USP42: variants seen among roughly 807,000 people sequenced by gnomAD.
USP42 encodes ubiquitin carboxyl-terminal hydrolase 42.
A neutral mutation model predicts 113.0 loss-of-function variants in USP42; 23 were observed. The ratio of observed to expected loss-of-function variants is 0.20; its 90% confidence interval spans 0.15 to 0.29. USP42 has a LOEUF of 0.29. Among genes scored for constraint, USP42 ranks in the 10% least tolerant of loss-of-function variants. The probability of loss-of-function intolerance (pLI) is 1.00; values close to 1 mark genes in which losing one functional copy is unlikely to be tolerated. For missense variants in USP42, 2,174 were observed against 1,779.8 expected (o/e 1.22, Z -3.99); for synonymous variants, 933 against 699.0 (o/e 1.33, Z -5.28).
At chr7:6,125,784 GTTGT>G (rs750800362) in intron 3 of USP42, among the ~76,000 whole-genome samples, 57 of 147,360 alleles carry the variant, frequency 3.9e-4, no homozygotes, top group African/African-American at 1.2e-3. Flanking sequence ...ATGCTCAGGG[GTTGT>G]TTATTTTACT....
the USP42 span, among the ~76,000 whole-genome samples, chr7:6,092,025 TC>T: frequency 2.7e-5 from 3 of 109,772 alleles, no homozygotes; most frequent in Non-Finnish European, 5.7e-5. Flanking sequence ...TTCTTCTTCT[TC>T]TTCTTCTTCT....
chr7:6,139,399 T>C lies in USP42; in HGVS notation c.656+205T>C, dbSNP rs1781327178. 2.2e-6 allele frequency: 1 copy of C among 455,026 alleles called. No individual in the cohort carries two copies. The highest frequency in any genetic ancestry group is 2.0e-5 in the African/African-American group (1 of 49,116). 28.2% of individuals were successfully genotyped at this position (455,026 alleles called of 1,614,324 possible). A position where few individuals can be genotyped will look rare whatever the true frequency, so the allele number is the denominator to read the frequency against. On this transcript the variant is annotated intron_variant, in intron 5 of 17. Coordinates refer to ENST00000306177, the MANE Select transcript of USP42 (RefSeq NM_032172.3). The surrounding 1 kb of genome is among the most constrained non-coding windows in gnomAD (Gnocchi z 4.5). ...TACACGTGTGTCTTACGTAACAGTT[T>C]GAGTTGGCTCAATCATAGATGTCAG...
chr7:6,148,508 C>T (rs1038759148), intron 12 of USP42, among the ~76,000 whole-genome samples: 2 of 152,190 alleles, frequency 1.3e-5, no homozygotes, highest in Non-Finnish European at 2.9e-5. Context: ...TGTCGGATTG[C>T]AGGAAAGCGA....
rs907042575 is a variant in USP42, at chr7:6,153,069, G to A, written c.2202-687G>A. 198 of 494,992 alleles carry A rather than the reference G, an allele frequency of 4.0e-4. 1 individual carries two copies. The highest frequency in any genetic ancestry group is 3.1e-3 in the Middle Eastern group (3 of 978). 30.7% of individuals were successfully genotyped at this position (494,992 alleles called of 1,614,324 possible). A position where few individuals can be genotyped will look rare whatever the true frequency, so the allele number is the denominator to read the frequency against. On this transcript the variant is annotated intron_variant, in intron 14 of 17. Transcript: ENST00000306177. ...GCGGATCACCTGAGGTCAGGAGTTC[G>A]AGACCAGCTTGGCCAAGGTATAGTG...
At chr7:6,140,343 G>A (rs1443640118) in intron 6 of USP42, 148 bp downstream of exon 6, 26 of 713,522 alleles carry the variant, frequency 3.6e-5, no homozygotes, top group East Asian at 2.9e-4. Flanking sequence ...AGGCAGCCTC[G>A]GTGCCAGGTT....
At chr7:6,082,735 G>C in the USP42 span, among the ~76,000 whole-genome samples, 89,734 of 145,766 alleles carry the variant, frequency 0.62, 28,186 homozygotes, top group Middle Eastern at 0.68. Context: ...CTGAGCCTCC[G>C]TAGTAGCTGG....
intron 2 of USP42, 35 bp from the exon 3 acceptor site, chr7:6,115,288 C>G (rs1310208103): frequency 6.2e-7 from 1 of 1,604,632 alleles, no homozygotes; most frequent in Admixed American, 1.7e-5. Flanking sequence ...GTATGCAAAG[C>G]TTGGTTTCTG....
Position 6,148,371 on chromosome 7 carries a change from A to G in USP42, c.1386+479A>G, listed in dbSNP as rs959362889. On this transcript the variant is annotated intron_variant, in intron 12 of 17. Coordinates refer to ENST00000306177, the MANE Select transcript of USP42 (RefSeq NM_032172.3). ...CCCCCAAAAAAACAAAAACCCCAAA[A>G]TATACAGCAAACCTCACCAATGGGG... 1.3e-5 allele frequency among the ~76,000 whole-genome samples: 2 copies of G among 152,158 alleles called. 1 individual carries two copies. The highest frequency in any genetic ancestry group is 3.8e-4 in the East Asian group (2 of 5,204).
chr7:6,131,593 C>T (rs1780854502), intron 3 of USP42, among the ~76,000 whole-genome samples: 1 of 152,192 alleles, frequency 6.6e-6, no homozygotes, highest in African/African-American at 2.4e-5. Context: ...CCTTCCTCAT[C>T]CTTTGGCTGG....
At chr7:6,084,347 T>C in the USP42 span, 2 of 151,250 alleles carry the variant, frequency 1.3e-5, no homozygotes, top group African/African-American at 4.9e-5. Flanking sequence ...TTTTGATCTA[T>C]TGTAGGTTTC....
At chr7:6,090,810 A>T in the USP42 span, among the ~76,000 whole-genome samples, 1 of 146,758 alleles carries the variant, frequency 6.8e-6, no homozygotes, top group Non-Finnish European at 1.5e-5. Flanking sequence ...ACATATAGTT[A>T]TATATATAGT....
chr7:6,143,124 C>G lies in USP42; in HGVS notation c.878+110C>G, dbSNP rs17136039. The G allele has an allele frequency of 3.8e-3, 4,158 of 1,081,448 alleles. 115 individuals are homozygous for G. In the African/African-American group the frequency reaches 0.058, roughly 15 times the overall value. 67.0% of individuals were successfully genotyped at this position (1,081,448 alleles called of 1,614,324 possible). On this transcript the variant is annotated intron_variant, in intron 8 of 17. Coordinates refer to ENST00000306177, the MANE Select transcript of USP42 (RefSeq NM_032172.3). ...TCTAGGTTGCTTGAGTTTCTGATAC[C>G]CTCTGGGAAGACACTGCGTCCCTGT...
At chr7:6,093,921 C>T in the USP42 span, among the ~76,000 whole-genome samples, 1 of 151,238 alleles carries the variant, frequency 6.6e-6, no homozygotes, top group South Asian at 2.1e-4. Context: ...GATGGAGTCT[C>T]ACTCTGTCAC....
the USP42 span, among the ~76,000 whole-genome samples, chr7:6,098,293 TAAAGG>T: frequency 2.2e-4 from 33 of 150,330 alleles, 1 homozygote; most frequent in African/African-American, 5.9e-4. Context: ...AGATCTGTAT[TAAAGG>T]AAAGTGCCCA....
At chr7:6,110,849 T>C (rs1446398410) in intron 1 of USP42, among the ~76,000 whole-genome samples, 1 of 152,206 alleles carries the variant, frequency 6.6e-6, no homozygotes, top group African/African-American at 2.4e-5. Flanking sequence ...TGCCAGACTT[T>C]TAGGGGGCAT....
At chr7:6,101,316 C>A (rs115428419), upstream of USP42, among the ~76,000 whole-genome samples, 1,253 of 151,262 alleles carry the variant, frequency 8.3e-3, 105 homozygotes, top group African/African-American at 0.03. Flanking sequence ...AAATAAAATT[C>A]ACCCCTTCCT....
chr7:6,150,620 C>T (rs1781989244), intron 14 of USP42, 114 bp downstream of exon 14: 1 of 930,384 alleles, frequency 1.1e-6, no homozygotes, highest in South Asian at 1.5e-5. Context: ...ATTTTGAATC[C>T]TAGAATGATT....
rs1183979801 is a variant in USP42 at position 6,147,872 on chromosome 7, C to T, written c.1366C>T (p.Leu456Phe). Residue 456 changes from leucine (L) to phenylalanine (F), a missense_variant, in exon 12 of 18, where the codon CTT (leucine) becomes TTT (phenylalanine). Leu to Phe is a conservative substitution (Grantham distance 22). Coordinates refer to ENST00000306177, the MANE Select transcript of USP42 (RefSeq NM_032172.3). ...QAAPGFIGPQLPSHMIKNPPH... is the reference protein window; with the variant it reads ...QAAPGFIGPQFPSHMIKNPPH... ...TGCGCCAGGCTTTATCGGACCACAG[C>T]TTCCCTCTCACATGATAAAGGTAAC... 6.2e-7 allele frequency: 1 copy of T among 1,611,622 alleles called. No homozygotes were observed. Among genetic ancestry groups the T allele is most frequent in the East Asian group, 2.2e-5 (1 of 44,782 alleles).
chr7:6,150,564 TC>T, intron 14 of USP42, 58 bp downstream of exon 14: 1 of 1,396,972 alleles, frequency 7.2e-7, no homozygotes, highest in Non-Finnish European at 1.0e-6. Context: ...TCCAGTAGCC[TC>T]CAGATGTGTC....
Sources: gnomAD v4.1 joint callset for allele counts (sites outside exome capture counted in the v4.1 genomes callset) on GRCh38, gnomAD v4.1.1 for gene constraint, Gnocchi (gnomAD v3.1) non-coding constraint, MANE v1.5 for transcripts, NCBI Gene and HGNC (gene_info 2026-07-23, HGNC 2026-07-21) for gene names.